Variants in ARHGEF3 observed in about 807,000 individuals in gnomAD.
The protein encoded by ARHGEF3 is Rho guanine nucleotide exchange factor 3.
A neutral mutation model predicts 63.2 loss-of-function variants in ARHGEF3; 28 were observed. The ratio of observed to expected loss-of-function variants is 0.44; its 90% CI spans 0.33 to 0.61. The LOEUF (loss-of-function observed/expected upper bound fraction) is 0.61, where lower values mean the gene tolerates loss of function less well. Among genes scored for constraint, ARHGEF3 ranks in the 20% least tolerant of loss-of-function variants. The pLI is 0.03. For missense variants in ARHGEF3, 533 were observed against 659.3 expected (o/e 0.81, Z 2.10); for synonymous variants, 266 against 254.2 (o/e 1.05, Z -0.44).
At chr3:56,839,938 G>A (rs895679133) in intron 4 of ARHGEF3, among the ~76,000 whole-genome samples, 11 of 152,058 alleles carry the variant, frequency 7.2e-5, no homozygotes, top group African/African-American at 2.7e-4. Context: ...GCCCGGACAC[G>A]TTTCATCTGA....
At chr3:57,002,417 C>A (rs1702232964) in intron 2 of ARHGEF3, among the ~76,000 whole-genome samples, 1 of 71,154 alleles carries the variant, frequency 1.4e-5, no homozygotes, top group Non-Finnish European at 2.9e-5. Context: ...AGGCACTGTT[C>A]TAAGCACTAT....
intron 2 of ARHGEF3, among the ~76,000 whole-genome samples, chr3:57,020,649 G>A (rs1703219603): frequency 6.6e-6 from 1 of 152,242 alleles, no homozygotes; most frequent in South Asian, 2.1e-4. Context: ...GTATCACAGG[G>A]AGGAAACGTT....
At position 56,792,113 on chromosome 3, in the gene ARHGEF3, AAAAAGAAAAG is replaced by A. The variant is rs373883575; in HGVS notation, c.96+9580_96+9589del. Among the ~76,000 whole-genome samples, 921 of 140,046 alleles carry A rather than the reference AAAAAGAAAAG, an allele frequency of 6.6e-3. 12 individuals carry two copies. Among genetic ancestry groups the A allele is most frequent in the African/African-American group, 0.025 (842 of 33,704 alleles). The allele number at this position is 140,046 out of a possible 152,430, so 91.9% of individuals were successfully genotyped here. On this transcript the variant is annotated intron_variant, in intron 1 of 9. Transcript: ENST00000296315. ...AGTGAGACTCTGTCTCAAAAAAAAA[AAAAAGAAAAG>A]AAAAGAAAAGAAAAGAAAAGAAAAT...
intron 2 of ARHGEF3, among the ~76,000 whole-genome samples, chr3:56,967,105 T>C (rs903866758): frequency 2.2e-4 from 32 of 148,210 alleles, no homozygotes; most frequent in African/African-American, 7.6e-4. Context: ...TCAAGTGATC[T>C]GCCTGCCTCG....
At chr3:57,016,534 C>T (rs556954230) in intron 2 of ARHGEF3, among the ~76,000 whole-genome samples, 2 of 151,828 alleles carry the variant, frequency 1.3e-5, no homozygotes, top group East Asian at 1.9e-4. Flanking sequence ...GGCAACAGAG[C>T]GAAACTCCGT....
chr3:56,821,967 A>T (rs1286040694), intron 4 of ARHGEF3, among the ~76,000 whole-genome samples: 2 of 10,202 alleles, frequency 2.0e-4, no homozygotes, highest in Admixed American at 6.2e-4. Context: ...TGTCTCGAGA[A>T]GAGAAGAGAA....
chr3:57,057,246 G>A (rs1291323915), intron 1 of ARHGEF3, among the ~76,000 whole-genome samples: 2 of 152,042 alleles, frequency 1.3e-5, no homozygotes, highest in Admixed American at 6.6e-5. Flanking sequence ...CAAGTAGCTG[G>A]GATTACAGGT....
intron 3 of ARHGEF3, among the ~76,000 whole-genome samples, chr3:56,919,703 G>T (rs946810494): frequency 6.6e-6 from 1 of 152,152 alleles, no homozygotes; most frequent in Non-Finnish European, 1.5e-5. Context: ...AGCGACTAAG[G>T]ATTTTTTATG....
At chr3:57,064,928 T>C (rs62250328) in intron 1 of ARHGEF3, among the ~76,000 whole-genome samples, 30,651 of 152,172 alleles carry the variant, frequency 0.2, 3,529 homozygotes, top group Middle Eastern at 0.29. Flanking sequence ...CAGTAAATTT[T>C]ACGTTATGTG....
At chr3:56,944,793 G>A (rs2108435962) in intron 3 of ARHGEF3, among the ~76,000 whole-genome samples, 1 of 151,972 alleles carries the variant, frequency 6.6e-6, no homozygotes, top group East Asian at 1.9e-4. Flanking sequence ...TGGCCAGGTT[G>A]GCCTTGAACT....
chr3:56,758,932 C>T (rs1479227689), intron 2 of ARHGEF3, among the ~76,000 whole-genome samples: 1 of 152,156 alleles, frequency 6.6e-6, no homozygotes, highest in East Asian at 1.9e-4. Flanking sequence ...TCCACTTTCA[C>T]TTGAGAGAAT....
intron 6 of ARHGEF3, among the ~76,000 whole-genome samples, chr3:56,749,282 A>T (rs1039448642): frequency 5.3e-5 from 8 of 152,238 alleles, no homozygotes; most frequent in Non-Finnish European, 1.0e-4. Flanking sequence ...TATGTACAGA[A>T]AATGACTGCA....
intron 3 of ARHGEF3, among the ~76,000 whole-genome samples, chr3:56,904,299 G>T (rs1438873804): frequency 2.0e-5 from 3 of 152,032 alleles, no homozygotes; most frequent in African/African-American, 2.4e-5. Context: ...CCAAAGTGTT[G>T]GGATTACAGG....
chr3:56,752,333 T>C (rs1410653387), intron 4 of ARHGEF3, among the ~76,000 whole-genome samples: 2 of 152,224 alleles, frequency 1.3e-5, no homozygotes, highest in African/African-American at 2.4e-5. Flanking sequence ...GTCGGGATTA[T>C]AGGTGTGAGC....
At chr3:56,773,627 G>C (rs913373734) in intron 2 of ARHGEF3, 82 bp downstream of exon 2, 4 of 1,228,660 alleles carry the variant, frequency 3.3e-6, no homozygotes, top group South Asian at 3.3e-5. Context: ...TTGAAACCAG[G>C]GGAAATTCTA....
intron 4 of ARHGEF3, among the ~76,000 whole-genome samples, chr3:56,878,148 G>A (rs542679174): frequency 2.6e-5 from 4 of 152,178 alleles, no homozygotes; most frequent in African/African-American, 7.2e-5. Context: ...GCTGAGCTGT[G>A]CTCTGCAGCA....
chr3:56,762,695 C>G (rs1280017944), intron 2 of ARHGEF3, among the ~76,000 whole-genome samples: 1 of 152,200 alleles, frequency 6.6e-6, no homozygotes, highest in Non-Finnish European at 1.5e-5. Context: ...ACTTACCATG[C>G]TAACCATATT....
chr3:56,899,751 C>T (rs1213892805), intron 3 of ARHGEF3, among the ~76,000 whole-genome samples: 1 of 152,194 alleles, frequency 6.6e-6, no homozygotes, highest in Non-Finnish European at 1.5e-5. Flanking sequence ...CATTTTGCTG[C>T]TGTGACAAGT....
chr3:56,776,729 T>G (rs1223117920), intron 1 of ARHGEF3, among the ~76,000 whole-genome samples: 1 of 152,194 alleles, frequency 6.6e-6, no homozygotes, highest in South Asian at 2.1e-4. Flanking sequence ...ATCGTAGGGA[T>G]GCTTTCAGGC....
Sources: allele counts gnomAD v4.1 joint callset (sites outside exome capture counted in the v4.1 genomes callset), GRCh38; gene constraint gnomAD v4.1.1; transcripts MANE v1.5; gene names NCBI Gene and HGNC (gene_info 2026-07-23, HGNC 2026-07-21).